Variants in GAS7 observed in about 807,000 individuals in gnomAD.
The protein encoded by GAS7 is growth arrest specific 7.
A neutral mutation model predicts 71.1 loss-of-function variants in GAS7; 28 were observed. That is an observed-to-expected ratio of 0.39 (90% confidence interval 0.29 to 0.54). The LOEUF is 0.54. GAS7 is among the 20% of genes least tolerant of loss of function. The pLI is 0.62. For missense variants in GAS7, 436 were observed against 627.8 expected (o/e 0.69, Z 3.27); for synonymous variants, 258 against 245.8 (o/e 1.05, Z -0.46).
At chr17:10,153,672 T>C (rs1205586669) in intron 1 of GAS7, among the ~76,000 whole-genome samples, 1 of 152,242 alleles carries the variant, frequency 6.6e-6, no homozygotes, top group Admixed American at 6.5e-5. Flanking sequence ...AAATCATTCA[T>C]TTACTTTTCC....
chr17:10,113,645 C>T (rs180782714), intron 1 of GAS7, among the ~76,000 whole-genome samples: 387 of 152,200 alleles, frequency 2.5e-3, no homozygotes, highest in African/African-American at 8.7e-3. Flanking sequence ...TCTCACTTCC[C>T]GACACACGGT....
chr17:10,041,081 G>A (rs2072855548), intron 1 of GAS7, among the ~76,000 whole-genome samples: 2 of 150,056 alleles, frequency 1.3e-5, no homozygotes, highest in Admixed American at 6.7e-5. Flanking sequence ...AGAATTGCTT[G>A]AACTCAGGAG....
intron 2 of GAS7, among the ~76,000 whole-genome samples, chr17:10,014,986 T>C (rs1174908183): frequency 6.6e-6 from 1 of 151,894 alleles, no homozygotes; most frequent in Non-Finnish European, 1.5e-5. Flanking sequence ...AAACCCTGTC[T>C]CTACTAAAAA....
At chr17:10,190,500 A>C (rs1332109618) in intron 1 of GAS7, among the ~76,000 whole-genome samples, 1 of 151,710 alleles carries the variant, frequency 6.6e-6, no homozygotes, top group African/African-American at 2.4e-5. Context: ...GAATCGCTTG[A>C]ACCCAGGAGG....
intron 2 of GAS7, among the ~76,000 whole-genome samples, chr17:9,987,797 C>T (rs980511207): frequency 8.5e-5 from 13 of 152,336 alleles, no homozygotes; most frequent in African/African-American, 2.6e-4. Flanking sequence ...TAGTCACTTC[C>T]GGGCTTCATT....
At chr17:10,028,070 T>C (rs754648593) in intron 1 of GAS7, among the ~76,000 whole-genome samples, 1 of 152,130 alleles carries the variant, frequency 6.6e-6, no homozygotes, top group Non-Finnish European at 1.5e-5. Context: ...TTTGTTTTGT[T>C]TTGTTCTGCT....
rs1368166042 is a variant in GAS7 at position 10,058,426 on chromosome 17, T to C, written c.184-38529A>G. ...GAAATCACGCCACTGCACTCCAGCC[T>C]GGGCTACAGAGCGAGACTCCGTCTC... On this transcript the variant is annotated intron_variant, in intron 1 of 13. Coordinates refer to ENST00000432992, the MANE Select transcript of GAS7 (RefSeq NM_201433.2). Among the ~76,000 whole-genome samples, 3 of 150,572 alleles carry C rather than the reference T, an allele frequency of 2.0e-5. No homozygotes were observed. In the East Asian group the frequency reaches 5.8e-4, roughly 29 times the overall value.
chr17:9,939,002 C>T (rs757316518), intron 8 of GAS7, among the ~76,000 whole-genome samples: 1 of 152,178 alleles, frequency 6.6e-6, no homozygotes, highest in Non-Finnish European at 1.5e-5. Flanking sequence ...CCATGGGTAT[C>T]CATTGTGCAT....
chr17:10,115,050 G>A (rs879907778), intron 1 of GAS7, among the ~76,000 whole-genome samples: 7 of 152,198 alleles, frequency 4.6e-5, no homozygotes, highest in African/African-American at 7.2e-5. Flanking sequence ...TGGCTGGCTG[G>A]CTGCCTCTCT....
Position 9,939,745 on chromosome 17 carries a change from G to A in GAS7, c.806+381C>T, listed in dbSNP as rs1298533995. On this transcript the variant is annotated intron_variant, in intron 8 of 13. Transcript: ENST00000432992. ...CTGCCTCAGCCTCCCAAGTAGCTGG[G>A]ACTACAGGCACTCATCACCATGCCC... Among the ~76,000 whole-genome samples, 4 of 152,260 alleles carry A rather than the reference G, an allele frequency of 2.6e-5. No homozygotes were observed. In the East Asian group the frequency reaches 7.7e-4, roughly 29 times the overall value.
At chr17:10,068,789 CA>C (rs2073309833) in intron 1 of GAS7, among the ~76,000 whole-genome samples, 1 of 151,646 alleles carries the variant, frequency 6.6e-6, no homozygotes, top group South Asian at 2.1e-4. Flanking sequence ...GGTCTTATTA[CA>C]GCAAAAAAAT....
intron 3 of GAS7, among the ~76,000 whole-genome samples, chr17:9,970,815 T>C (rs1480484681): frequency 6.6e-6 from 1 of 152,064 alleles, no homozygotes; most frequent in Non-Finnish European, 1.5e-5. Flanking sequence ...CCAAAGACAC[T>C]CCCAGCATGG....
In GAS7 at chr17:10,046,781, AAAGAAAGGAAGG is replaced by A. The variant is rs1410305558; in HGVS notation, c.184-26896_184-26885del. 3.3e-3 allele frequency among the ~76,000 whole-genome samples: 350 copies of A among 104,514 alleles called. 7 individuals are homozygous for A. The highest frequency in any genetic ancestry group is 4.8e-3 in the Non-Finnish European group (267 of 55,304). The allele number at this position is 104,514 out of a possible 152,430, so 68.6% of individuals were successfully genotyped here. A position where few individuals can be genotyped will look rare whatever the true frequency, so the allele number is the denominator to read the frequency against. On this transcript the variant is annotated intron_variant, in intron 1 of 13. Coordinates refer to ENST00000432992, the MANE Select transcript of GAS7 (RefSeq NM_201433.2). ...AAAGAAAGAAAGAAGAGAAAGAAAG[AAAGAAAGGAAGG>A]AAGGAAGGAAGGAAGGAAGGAAGGA...
intron 1 of GAS7, among the ~76,000 whole-genome samples, chr17:10,175,701 T>C (rs1217634005): frequency 6.6e-6 from 1 of 152,226 alleles, no homozygotes; most frequent in African/African-American, 2.4e-5. Flanking sequence ...GGTCTCACCA[T>C]GTTGCCCAGG....
chr17:10,196,686 G>A (rs1446550043), intron 1 of GAS7, among the ~76,000 whole-genome samples: 3 of 152,016 alleles, frequency 2.0e-5, no homozygotes, highest in Non-Finnish European at 1.5e-5. Context: ...GCTCCTCACC[G>A]GACAGACATC....
chr17:10,047,556 A>G lies in GAS7; in HGVS notation c.184-27659T>C, dbSNP rs1044683493. On this transcript the variant is annotated intron_variant, in intron 1 of 13. Transcript: ENST00000432992. Reference sequence around the variant, plus strand: ...TGCAAAAGCAGGGTGAGGAAACACCATCCTGAAAGCACAAAGGAAGAGCAC... The same window carrying G: ...TGCAAAAGCAGGGTGAGGAAACACCGTCCTGAAAGCACAAAGGAAGAGCAC... Among the ~76,000 whole-genome samples the G allele has an allele frequency of 2.0e-5, 3 of 152,250 alleles. No homozygotes were observed. In the East Asian group the frequency reaches 5.8e-4, roughly 29 times the overall value.
At position 10,098,816 on chromosome 17, in the gene GAS7, G is replaced by A. The variant is rs570075558; in HGVS notation, c.184-78919C>T. 6.8e-3 allele frequency among the ~76,000 whole-genome samples: 1,041 copies of A among 152,246 alleles called. 14 individuals carry two copies. The highest frequency in any genetic ancestry group is 6.1e-3 in the Non-Finnish European group (418 of 68,020). On this transcript the variant is annotated intron_variant, in intron 1 of 13. Coordinates refer to ENST00000432992, the MANE Select transcript of GAS7 (RefSeq NM_201433.2). ...CTACTAAAAATACAAAAAATTAGCC[G>A]GGTGTGGTGGCGGGCACCTGTAGTC...
chr17:10,019,639 TTACTG>T, intron 2 of GAS7, 133 bp downstream of exon 2: 1 of 809,350 alleles, frequency 1.2e-6, no homozygotes, highest in Non-Finnish European at 1.9e-6. Context: ...GAGTAAGACT[TTACTG>T]TAGCCCCTGA....
At chr17:9,939,375 T>C (rs774733415) in intron 8 of GAS7, among the ~76,000 whole-genome samples, 5 of 152,128 alleles carry the variant, frequency 3.3e-5, no homozygotes, top group Admixed American at 6.6e-5. Flanking sequence ...AGTCACAGCA[T>C]TAGCGGGAAG....
Sources: allele counts gnomAD v4.1 joint callset (sites outside exome capture counted in the v4.1 genomes callset), GRCh38; gene constraint gnomAD v4.1.1; transcripts MANE v1.5; gene names NCBI Gene and HGNC (gene_info 2026-07-23, HGNC 2026-07-21).